Variants in APOLD1 observed in about 807,000 individuals in gnomAD.
The protein encoded by APOLD1 is apolipoprotein L domain-containing protein 1.
APOLD1 carries 22 observed loss-of-function variants against 15.3 expected under a neutral mutation model. The observed-to-expected ratio is 1.44, with a 90% CI of 1.03 to 2.05. The LOEUF (loss-of-function observed/expected upper bound fraction) is 2.05. Ranked by LOEUF, APOLD1 falls within the 30% of genes most tolerant of loss-of-function variation. The pLI, the probability that APOLD1 is intolerant of heterozygous loss-of-function variation, is 0.00. For synonymous variants in APOLD1, 190 were observed against 167.4 expected (o/e 1.13, Z -1.04); for missense variants, 394 against 353.5 (o/e 1.11, Z -0.92).
intron 1 of APOLD1, among the ~76,000 whole-genome samples, chr12:12,741,788 A>AATAAATAAAT (rs1417560589): frequency 1.3e-5 from 2 of 152,212 alleles, no homozygotes; most frequent in Non-Finnish European, 2.9e-5. Flanking sequence ...GTTTCCTTTA[A>AATAAATAAAT]TCCTGAGATT....
chr12:12,774,748 G>A (rs1470047193), intron 1 of APOLD1, among the ~76,000 whole-genome samples: 1 of 151,920 alleles, frequency 6.6e-6, no homozygotes, highest in African/African-American at 2.4e-5. Flanking sequence ...ACAGCAATGA[G>A]GTACCATTAC....
chr12:12,746,530 C>T (rs12314889), intron 1 of APOLD1, among the ~76,000 whole-genome samples: 1 of 54,382 alleles, frequency 1.8e-5, no homozygotes, highest in African/African-American at 7.0e-5. Context: ...TAAATACATA[C>T]ATACATATTG....
intron 1 of APOLD1, among the ~76,000 whole-genome samples, chr12:12,750,094 C>T (rs535020963): frequency 5.9e-5 from 9 of 152,182 alleles, no homozygotes; most frequent in Admixed American, 3.9e-4. Flanking sequence ...GAAAGATGGC[C>T]GGGCGCGGTG....
chr12:12,739,790 T>C (rs985467137), intron 1 of APOLD1, among the ~76,000 whole-genome samples: 2 of 150,226 alleles, frequency 1.3e-5, no homozygotes, highest in African/African-American at 4.9e-5. Context: ...TTAAGGAGTA[T>C]ATTTCTCAGA....
At chr12:12,744,136 C>T (rs969958336) in intron 1 of APOLD1, among the ~76,000 whole-genome samples, 2 of 151,282 alleles carry the variant, frequency 1.3e-5, no homozygotes, top group African/African-American at 4.9e-5. Context: ...GGGAACATAG[C>T]AAGACTGCGT....
At chr12:12,735,043 C>T (rs10845621) in intron 1 of APOLD1, among the ~76,000 whole-genome samples, 32,122 of 151,984 alleles carry the variant, frequency 0.21, 4,170 homozygotes, top group East Asian at 0.45. Context: ...GGGCTAAAAT[C>T]GAAACTCTTT....
chr12:12,729,351 A>T (rs915593280), intron 1 of APOLD1, among the ~76,000 whole-genome samples: 3 of 113,246 alleles, frequency 2.6e-5, no homozygotes, highest in Non-Finnish European at 3.8e-5. Flanking sequence ...ACCTCAAAGG[A>T]TTTTTAAAAA....
At position 12,791,363 on chromosome 12, in the gene APOLD1, T is replaced by A. The variant is rs1308598489; in HGVS notation, c.*3711T>A. The A allele has an allele frequency of 1.3e-5, 2 of 152,214 alleles. No individual in the cohort carries two copies. Among genetic ancestry groups the A allele is most frequent in the Admixed American group, 1.3e-4 (2 of 15,272 alleles). The allele number at this position is 152,214 out of a possible 1,614,324, so 9.4% of individuals were successfully genotyped here. On this transcript the variant is annotated 3_prime_UTR_variant, in exon 2 of 2. Coordinates refer to ENST00000356591, the MANE Select transcript of APOLD1 (RefSeq NM_030817.3). ...CTGAGATAAAGACATCGTGCAGAGA[T>A]AAATGGGGATACAGTTAAATGTAGC...
chr12:12,771,939 A>T (rs1319892246), intron 1 of APOLD1, among the ~76,000 whole-genome samples: 1 of 152,086 alleles, frequency 6.6e-6, no homozygotes, highest in African/African-American at 2.4e-5. Context: ...TATATTGCAA[A>T]CTCTGGGGCA....
intron 1 of APOLD1, among the ~76,000 whole-genome samples, chr12:12,750,810 T>G (rs1366751188): frequency 6.6e-6 from 1 of 152,152 alleles, no homozygotes; most frequent in Non-Finnish European, 1.5e-5. Context: ...GGTCTTACTC[T>G]GTCACCCAGG....
rs1439940279 is a variant in APOLD1 at position 12,787,632 on chromosome 12, CGTGCA to C, written c.729_733del (p.Gly245ValfsTer104). 6.3e-7 allele frequency: 1 copy of C among 1,596,804 alleles called. No individual in the cohort carries two copies. The highest frequency in any genetic ancestry group is 8.5e-7 in the Non-Finnish European group (1 of 1,173,620). On this transcript the variant is annotated frameshift_variant, in exon 2 of 2. Coordinates refer to ENST00000356591, the MANE Select transcript of APOLD1 (RefSeq NM_030817.3). LOFTEE classifies it high-confidence loss of function. The surrounding 1 kb of genome is among the most constrained non-coding windows in gnomAD (Gnocchi z 4.9). ...CGACCTCAAGATCTCTGCTGACCAGCGTGCAGGGCTGTTTTTCTGAGAACATCCTT... is the reference window on the plus strand; with the variant it reads ...CGACCTCAAGATCTCTGCTGACCAGCGGGCTGTTTTTCTGAGAACATCCTT...
rs1947178358 is a variant in APOLD1 at position 12,790,685 on chromosome 12, T to C, written c.*3033T>C. Reference sequence around the variant, plus strand: ...CATAGTAGGAACTCAAGAAATACATTTGAATAATTATAATTAACTGTTTAG... The same window carrying C: ...CATAGTAGGAACTCAAGAAATACATCTGAATAATTATAATTAACTGTTTAG... On this transcript the variant is annotated 3_prime_UTR_variant, in exon 2 of 2. Transcript: ENST00000356591. 1.3e-5 allele frequency: 2 copies of C among 152,226 alleles called. No individual in the cohort carries two copies. Among genetic ancestry groups the C allele is most frequent in the South Asian group, 4.1e-4 (2 of 4,836 alleles). 9.4% of individuals were successfully genotyped at this position (152,226 alleles called of 1,614,324 possible).
chr12:12,735,345 C>T (rs1260046238), intron 1 of APOLD1, among the ~76,000 whole-genome samples: 2 of 152,066 alleles, frequency 1.3e-5, no homozygotes, highest in African/African-American at 4.8e-5. Context: ...GGGGCCCTGA[C>T]CTAGAGCGAG....
intron 1 of APOLD1, among the ~76,000 whole-genome samples, chr12:12,728,308 A>C (rs1946610068): frequency 6.6e-6 from 1 of 152,104 alleles, no homozygotes; most frequent in African/African-American, 2.4e-5. Context: ...GACTATGGGA[A>C]TATAGTATAG....
intron 1 of APOLD1, among the ~76,000 whole-genome samples, chr12:12,773,380 A>T (rs1947003035): frequency 6.6e-6 from 1 of 152,100 alleles, no homozygotes; most frequent in Non-Finnish European, 1.5e-5. Flanking sequence ...TGGGCAACAT[A>T]GTGAGACTTA....
intron 1 of APOLD1, among the ~76,000 whole-genome samples, chr12:12,779,493 C>T (rs1947063213): frequency 6.6e-6 from 1 of 152,022 alleles, no homozygotes; most frequent in Non-Finnish European, 1.5e-5. Context: ...AAGCTGGTGG[C>T]ATTATAAATG....
At position 12,790,458 on chromosome 12, in the gene APOLD1, A is replaced by C. The variant is rs988524588; in HGVS notation, c.*2806A>C. 1 of 152,238 alleles carries C rather than the reference A, an allele frequency of 6.6e-6. No homozygotes were observed. Among genetic ancestry groups the C allele is most frequent in the African/African-American group, 2.4e-5 (1 of 41,462 alleles). 9.4% of individuals were successfully genotyped at this position (152,238 alleles called of 1,614,324 possible). A position where few individuals can be genotyped will look rare whatever the true frequency, so the allele number is the denominator to read the frequency against. On this transcript the variant is annotated 3_prime_UTR_variant, in exon 2 of 2. Transcript: ENST00000356591. ...TAACTCCATCTTTTATTAATGCTTA[A>C]GTTTAAATTATATTCTTCCAATGCC...
chr12:12,751,128 C>G (rs1273037291), intron 1 of APOLD1, among the ~76,000 whole-genome samples: 1 of 151,738 alleles, frequency 6.6e-6, no homozygotes, highest in Non-Finnish European at 1.5e-5. Context: ...ATTTTGGAAC[C>G]TTATGTGAGC....
At chr12:12,748,226 C>T (rs148883119) in intron 1 of APOLD1, among the ~76,000 whole-genome samples, 12 of 152,276 alleles carry the variant, frequency 7.9e-5, no homozygotes, top group African/African-American at 2.6e-4. Context: ...CTATGGACCA[C>T]GGAGCATTAG....
Sources: allele counts gnomAD v4.1 joint callset (sites outside exome capture counted in the v4.1 genomes callset), GRCh38; gene constraint gnomAD v4.1.1; non-coding constraint Gnocchi (gnomAD v3.1); transcripts MANE v1.5; gene names NCBI Gene and HGNC (gene_info 2026-07-23, HGNC 2026-07-21).